Variants in CNTN5 observed in about 807,000 individuals in gnomAD.
CNTN5 encodes contactin 5, also known as contactin-5.
A neutral mutation model predicts 129.1 loss-of-function variants in CNTN5; 77 were observed. That is an observed-to-expected ratio of 0.60 (90% CI 0.50 to 0.72). The LOEUF (loss-of-function observed/expected upper bound fraction) is 0.72. CNTN5 is among the 30% of genes least tolerant of loss of function. The probability of loss-of-function intolerance (pLI) is 0.00; values close to 1 mark genes in which losing one functional copy is unlikely to be tolerated. For missense variants in CNTN5, 1,478 were observed against 1,328.8 expected (o/e 1.11, Z -1.75); for synonymous variants, 509 against 465.6 (o/e 1.09, Z -1.20).
intron 16 of CNTN5, among the ~76,000 whole-genome samples, chr11:100,226,861 A>C (rs1230122601): frequency 6.6e-6 from 1 of 152,030 alleles, no homozygotes; most frequent in African/African-American, 2.4e-5. Context: ...AATTTGAAAT[A>C]GTTTTACTCT....
chr11:99,426,072 A>G (rs947994863), intron 2 of CNTN5, among the ~76,000 whole-genome samples: 4 of 152,244 alleles, frequency 2.6e-5, no homozygotes, highest in Non-Finnish European at 5.9e-5. Context: ...TTAATAGCAT[A>G]TTTATAAAAA....
chr11:99,038,021 T>G (rs1418365221), intron 1 of CNTN5, among the ~76,000 whole-genome samples: 1 of 152,178 alleles, frequency 6.6e-6, no homozygotes, highest in Non-Finnish European at 1.5e-5. Context: ...ATAATTTAAT[T>G]TAATTAATTT....
chr11:100,061,154 GA>G, intron 9 of CNTN5, 57 bp from the exon 10 acceptor site: 1 of 1,370,222 alleles, frequency 7.3e-7, no homozygotes, highest in Non-Finnish European at 1.0e-6. Context: ...CCAGATAACA[GA>G]ATCTATGTTC....
At chr11:99,255,094 A>G (rs893173229) in intron 1 of CNTN5, among the ~76,000 whole-genome samples, 1 of 151,928 alleles carries the variant, frequency 6.6e-6, no homozygotes, top group African/African-American at 2.4e-5. Flanking sequence ...TATTTCTATT[A>G]TATATATATT....
chr11:99,717,367 A>G (rs1331299895), intron 3 of CNTN5, among the ~76,000 whole-genome samples: 3 of 152,198 alleles, frequency 2.0e-5, no homozygotes, highest in South Asian at 2.1e-4. Context: ...TAAATTTTCA[A>G]AAGAGTTGTA....
chr11:99,820,692 C>G lies in CNTN5; in HGVS notation c.277+927C>G, dbSNP rs75438800. ...GTGAAGTAGATATTGTTACTGCCTT[C>G]TATAGAAATGAAAACTCTGGGACAG... is the stretch of plus-strand genomic sequence containing the variant. On this transcript the variant is annotated intron_variant, in intron 4 of 24. Coordinates refer to ENST00000524871, the MANE Select transcript of CNTN5 (RefSeq NM_014361.4). Among the ~76,000 whole-genome samples the G allele has an allele frequency of 5.6e-3, 846 of 152,274 alleles. 5 individuals are homozygous for G. Among genetic ancestry groups the G allele is most frequent in the African/African-American group, 0.019 (805 of 41,564 alleles).
At chr11:99,946,453 A>G (rs1950555091) in intron 7 of CNTN5, among the ~76,000 whole-genome samples, 1 of 152,108 alleles carries the variant, frequency 6.6e-6, no homozygotes, top group African/African-American at 2.4e-5. Flanking sequence ...AAGAAGTCTG[A>G]ACACGTTTAG....
intron 3 of CNTN5, among the ~76,000 whole-genome samples, chr11:99,580,557 G>C (rs1460365957): frequency 6.6e-6 from 1 of 152,086 alleles, no homozygotes; most frequent in Non-Finnish European, 1.5e-5. Context: ...GTTTAGTCTT[G>C]GGAGGGTGTA....
intron 3 of CNTN5, among the ~76,000 whole-genome samples, chr11:99,817,438 G>A (rs1448846022): frequency 6.6e-6 from 1 of 152,132 alleles, no homozygotes; most frequent in African/African-American, 2.4e-5. Context: ...GTTAAAATAT[G>A]TATAAGATTT....
chr11:99,253,897 TTATATATATA>T (rs67720359), intron 1 of CNTN5, among the ~76,000 whole-genome samples: 7 of 139,062 alleles, frequency 5.0e-5, no homozygotes, highest in African/African-American at 1.3e-4. Context: ...AAATATACGT[TTATATATATA>T]TATATATATA....
intron 21 of CNTN5, chr11:100,337,041 G>A (rs1952052720): frequency 4.0e-6 from 4 of 992,694 alleles, no homozygotes; most frequent in East Asian, 2.4e-5. Context: ...TTGATGAAGT[G>A]TTCAAAATTG....
intron 2 of CNTN5, among the ~76,000 whole-genome samples, chr11:99,424,574 A>C (rs889693758): frequency 1.3e-5 from 2 of 152,238 alleles, no homozygotes; most frequent in Admixed American, 6.5e-5. Flanking sequence ...GTGAGGCTGC[A>C]GCTGGGCCAG....
intron 3 of CNTN5, among the ~76,000 whole-genome samples, chr11:99,710,360 G>T (rs567959683): frequency 4.7e-4 from 72 of 151,848 alleles, no homozygotes; most frequent in African/African-American, 1.7e-3. Flanking sequence ...AAACCCTTTT[G>T]TTCTAAATAA....
intron 9 of CNTN5, among the ~76,000 whole-genome samples, chr11:100,039,205 T>C (rs532659619): frequency 7.4e-4 from 113 of 152,346 alleles, no homozygotes; most frequent in African/African-American, 2.5e-3. Flanking sequence ...CTGTAAAGTA[T>C]TTTATTTCTC....
chr11:99,509,326 G>A (rs1946746777), intron 2 of CNTN5, among the ~76,000 whole-genome samples: 1 of 151,972 alleles, frequency 6.6e-6, no homozygotes, highest in African/African-American at 2.4e-5. Flanking sequence ...CATCGTACAT[G>A]AAAAATTCTC....
intron 15 of CNTN5, among the ~76,000 whole-genome samples, chr11:100,208,913 G>T (rs904021213): frequency 6.6e-6 from 1 of 152,174 alleles, no homozygotes; most frequent in Admixed American, 6.5e-5. Flanking sequence ...GAGCTGTTTG[G>T]TGAAGGGGGC....
intron 8 of CNTN5, among the ~76,000 whole-genome samples, chr11:99,999,028 C>T (rs979096906): frequency 2.2e-4 from 34 of 152,070 alleles, no homozygotes; most frequent in African/African-American, 6.0e-4. Flanking sequence ...AATACTTAAA[C>T]GTTAGACCTA....
At chr11:99,718,697 A>G (rs1189052451) in intron 3 of CNTN5, among the ~76,000 whole-genome samples, 1 of 152,168 alleles carries the variant, frequency 6.6e-6, no homozygotes, top group African/African-American at 2.4e-5. Flanking sequence ...AGTTAGCAAG[A>G]TGAGAGAAAA....
rs115485530 is a variant in CNTN5, at chr11:99,218,848, A to C, written c.-209-106498A>C. Among the ~76,000 whole-genome samples, 361 of 152,146 alleles carry C rather than the reference A, an allele frequency of 2.4e-3. 1 individual carries two copies. The highest frequency in any genetic ancestry group is 8.3e-3 in the African/African-American group (345 of 41,538). Reference sequence around the variant, plus strand: ...TATGGAACTTCTAGGATTTGCCTTAAATGTAGGAGATGTGCATTTCTTTGA... The same window carrying C: ...TATGGAACTTCTAGGATTTGCCTTACATGTAGGAGATGTGCATTTCTTTGA... On this transcript the variant is annotated intron_variant, in intron 1 of 24. Transcript: ENST00000524871.
Sources: allele counts gnomAD v4.1 joint callset (sites outside exome capture counted in the v4.1 genomes callset), GRCh38; gene constraint gnomAD v4.1.1; transcripts MANE v1.5; gene names NCBI Gene and HGNC (gene_info 2026-07-23, HGNC 2026-07-21).